Variants in UBA3 observed in about 807,000 individuals in gnomAD.
The protein encoded by UBA3 is ubiquitin like modifier activating enzyme 3.
In UBA3, 26 loss-of-function variants were observed where a neutral mutation model predicts 73.5. That is an observed-to-expected ratio of 0.35 (90% CI 0.26 to 0.49). The LOEUF is 0.49. Among genes scored for constraint, UBA3 ranks in the 20% least tolerant of loss-of-function variants. UBA3 has a pLI of 0.98. For synonymous variants in UBA3, 217 were observed against 191.2 expected, an observed-to-expected ratio of 1.13 and a Z score of -1.11; for missense variants, 495 against 555.6, an observed-to-expected ratio of 0.89 and a Z score of 1.10.
intron 2 of UBA3, 101 bp from the exon 3 acceptor site, chr3:69,078,019 C>A: frequency 7.2e-7 from 1 of 1,391,492 alleles, no homozygotes; most frequent in Non-Finnish European, 9.6e-7. Context: ...CCACACCAGA[C>A]CTGCTCAAAT....
chr3:69,073,066 T>C, intron 4 of UBA3, among the ~76,000 whole-genome samples: 1 of 152,150 alleles, frequency 6.6e-6, no homozygotes, highest in East Asian at 1.9e-4. Context: ...TTCTTCCCCC[T>C]CTCTGCTCTT....
Position 69,056,640 on chromosome 3 carries a change from T to C in UBA3, c.1055A>G (p.Tyr352Cys). Residue 352 changes from tyrosine to cysteine, a missense_variant, in exon 14 of 18, where the codon TAT becomes TGT. Transcript: ENST00000361055. ...TCTTTCTGCTTCAAATGTGTATGTA[T>C]ACAGCCCATCTACATCATTAAACAC... is the stretch of plus-strand genomic sequence containing the variant. ...YLVFNDVDGL[Y>C]TYTFEAERKE... 1.2e-6 allele frequency: 2 copies of C among 1,613,100 alleles called. No individual in the cohort carries two copies. The highest frequency in any genetic ancestry group is 1.7e-5 in the Admixed American group (1 of 60,004).
At chr3:69,066,780 G>C (rs1028579101) in intron 6 of UBA3, among the ~76,000 whole-genome samples, 1 of 152,064 alleles carries the variant, frequency 6.6e-6, no homozygotes, top group Non-Finnish European at 1.5e-5. Context: ...AGTTAATTTT[G>C]TATGTTTAGG....
In UBA3 at chr3:69,054,923, AATC is replaced by A. The variant is rs1335310627; in HGVS notation, c.*511_*513del. 1 of 152,360 alleles carries A rather than the reference AATC, an allele frequency of 6.6e-6. No homozygotes were observed. Among genetic ancestry groups the A allele is most frequent in the Non-Finnish European group, 1.5e-5 (1 of 68,150 alleles). The allele number at this position is 152,360 out of a possible 1,614,324, so 9.4% of individuals were successfully genotyped here. A position where few individuals can be genotyped will look rare whatever the true frequency, so the allele number is the denominator to read the frequency against. On this transcript the variant is annotated 3_prime_UTR_variant, in exon 18 of 18. Transcript: ENST00000361055. ...GTATTCAGCTATAACACCATTTACA[AATC>A]ATTATGAACAAGATAAATTCTGCAA... is the stretch of plus-strand genomic sequence containing the variant.
chr3:69,061,172 G>A (rs949324995), intron 11 of UBA3, among the ~76,000 whole-genome samples: 4 of 152,184 alleles, frequency 2.6e-5, no homozygotes, highest in African/African-American at 9.7e-5. Context: ...ATACAGTACT[G>A]GGACAACAGT....
chr3:69,080,019 G>GC (rs1006233665), intron 2 of UBA3, 93 bp downstream of exon 2: 16 of 1,240,446 alleles, frequency 1.3e-5, no homozygotes, highest in South Asian at 2.7e-5. Context: ...CCCCCTCCCA[G>GC]CCCCCCGGGC....
At position 69,063,428 on chromosome 3, in the gene UBA3, A is replaced by G. The variant is rs1023471937; in HGVS notation, c.537+11T>C. 7.5e-6 allele frequency: 12 copies of G among 1,598,646 alleles called. No homozygotes were observed. The highest frequency in any genetic ancestry group is 5.4e-5 in the African/African-American group (4 of 73,856). On this transcript the variant is annotated intron_variant, in intron 8 of 17. Coordinates refer to ENST00000361055, the MANE Select transcript of UBA3 (RefSeq NM_003968.4). Reference sequence around the variant, plus strand: ...AACTTCAGAGAACTATAACAATACTAAAGTCTTTACCAGCATGCCATTTAT... The same window carrying G: ...AACTTCAGAGAACTATAACAATACTGAAGTCTTTACCAGCATGCCATTTAT...
chr3:69,062,880 C>A, intron 9 of UBA3, 102 bp downstream of exon 9: 2 of 1,384,100 alleles, frequency 1.4e-6, no homozygotes, highest in Admixed American at 2.3e-5. Flanking sequence ...TAAAATACGG[C>A]CACTTCTAAT....
At chr3:69,057,368 A>C in intron 11 of UBA3, 59 bp from the exon 12 acceptor site, 4 of 1,443,764 alleles carry the variant, frequency 2.8e-6, no homozygotes, top group Non-Finnish European at 3.8e-6. Flanking sequence ...AGTTCTCTTA[A>C]ATTAGAAGGC....
intron 7 of UBA3, 116 bp downstream of exon 7, chr3:69,063,938 CTGAAAAGCCAACAG>C: frequency 1.3e-6 from 1 of 790,082 alleles, no homozygotes; most frequent in Non-Finnish European, 2.1e-6. Flanking sequence ...AGCAACATTA[CTGAAAAGCCAACAG>C]TGAGAGAGGA....
At chr3:69,065,193 C>A (rs2092058629) in intron 6 of UBA3, among the ~76,000 whole-genome samples, 1 of 152,066 alleles carries the variant, frequency 6.6e-6, no homozygotes, top group South Asian at 2.1e-4. Flanking sequence ...TTTCCCAGAC[C>A]CACATAATGG....
rs946034197 is a variant in UBA3, at chr3:69,067,956, C to G, written c.400G>C (p.Asp134His). 2 of 1,607,212 alleles carry G rather than the reference C, an allele frequency of 1.2e-6. No individual in the cohort carries two copies. Among genetic ancestry groups the G allele is most frequent in the African/African-American group, 2.7e-5 (2 of 74,742 alleles). ...ACTACATTGCAATTAGGAACTCTGT[C>G]ATTTAGAAATTCTGCAGCAACTTCA... is the stretch of plus-strand genomic sequence containing the variant. ...KAEVAAEFLN[D>H]RVPNCNVVPH... is the part of the protein sequence containing the mutation. The change falls in exon 6 of 18, where the codon GAC (aspartate) becomes CAC (histidine). Residue 134 changes from aspartate (D) to histidine (H), a missense_variant. Physicochemically the swap from Asp to His is moderately conservative, Grantham distance 81. Transcript: ENST00000361055.
chr3:69,079,965 G>A (rs1398449993), intron 2 of UBA3, 147 bp downstream of exon 2: 1 of 676,200 alleles, frequency 1.5e-6, no homozygotes, highest in East Asian at 3.1e-5. Flanking sequence ...GGGCTGCGGG[G>A]CGGGGATCAG....
intron 11 of UBA3, among the ~76,000 whole-genome samples, chr3:69,060,100 C>T (rs1201603766): frequency 6.6e-6 from 1 of 152,072 alleles, no homozygotes; most frequent in African/African-American, 2.4e-5. Flanking sequence ...GATGTCTGTT[C>T]TCAGAGAGTT....
chr3:69,071,954 T>C (rs1258222382), intron 4 of UBA3, among the ~76,000 whole-genome samples: 2 of 152,242 alleles, frequency 1.3e-5, no homozygotes, highest in East Asian at 3.8e-4. Flanking sequence ...AATTTTACTA[T>C]GCTTGCTATT....
At chr3:69,079,963 G>A (rs1332079164) in intron 2 of UBA3, 149 bp downstream of exon 2, 2 of 670,620 alleles carry the variant, frequency 3.0e-6, no homozygotes, top group African/African-American at 1.9e-5. Context: ...CGGGGCTGCG[G>A]GGCGGGGATC....
intron 2 of UBA3, among the ~76,000 whole-genome samples, chr3:69,078,581 C>G (rs901128508): frequency 2.0e-5 from 3 of 152,174 alleles, no homozygotes; most frequent in African/African-American, 7.2e-5. Context: ...TCAAGTGATT[C>G]TCCTGCCTCA....
chr3:69,064,334 A>T (rs945189572), intron 6 of UBA3, among the ~76,000 whole-genome samples: 30 of 152,082 alleles, frequency 2.0e-4, no homozygotes. Flanking sequence ...TCATTCCTGA[A>T]CCCCTATATC....
At chr3:69,070,112 T>C (rs2092109543) in intron 5 of UBA3, among the ~76,000 whole-genome samples, 2 of 152,240 alleles carry the variant, frequency 1.3e-5, no homozygotes, top group South Asian at 4.1e-4. Flanking sequence ...TTCAACCATT[T>C]TAGCCACAAA....
Sources: gnomAD v4.1 joint callset for allele counts (sites outside exome capture counted in the v4.1 genomes callset) on GRCh38, gnomAD v4.1.1 for gene constraint, MANE v1.5 for transcripts, NCBI Gene and HGNC (gene_info 2026-07-23, HGNC 2026-07-21) for gene names.